The following WDR37 variants were observed in gnomAD, a reference collection of about 807,000 sequenced individuals.
WDR37 encodes WD repeat-containing protein 37.
Under a neutral mutation model 62.9 loss-of-function variants are expected in WDR37, and 19 were observed. The observed-to-expected ratio is 0.30, with a 90% CI of 0.21 to 0.44. The LOEUF (loss-of-function observed/expected upper bound fraction) is 0.44, where lower values mean the gene tolerates loss of function less well. Ranked by LOEUF, WDR37 falls within the 20% of genes least tolerant of loss-of-function variation. The pLI, the probability that WDR37 is intolerant of heterozygous loss-of-function variation, is 1.00. For synonymous variants in WDR37, 250 were observed against 260.9 expected, an observed-to-expected ratio of 0.96 and a Z score of 0.40; for missense variants, 474 against 657.6, an observed-to-expected ratio of 0.72 and a Z score of 3.05.
intron 1 of WDR37, among the ~76,000 whole-genome samples, chr10:1,065,038 A>G (rs1833494540): frequency 6.6e-6 from 1 of 152,170 alleles, no homozygotes; most frequent in South Asian, 2.1e-4. Context: ...CAGCTGACCT[A>G]CTCTATGAAA....
rs1466041154 is a variant in WDR37 at position 1,108,749 on chromosome 10, C to CCCT, written c.1103+3484_1103+3485insTCC. On this transcript the variant is annotated intron_variant, in intron 11 of 13. Transcript: ENST00000263150. The stretch of plus-strand genomic sequence containing the variant: ...TTTGGCTTCTGTGATGCCCCCCCCC[C>CCCT]CCGTGGAACCTGCAGGGCCCTGAGT... Among the ~76,000 whole-genome samples the CCCT allele has an allele frequency of 1.6e-5, 2 of 128,042 alleles. 1 individual carries two copies. The highest frequency in any genetic ancestry group is 3.5e-5 in the Non-Finnish European group (2 of 57,872). The allele number at this position is 128,042 out of a possible 152,430, so 84.0% of individuals were successfully genotyped here.
At chr10:1,080,587 G>A in intron 5 of WDR37, 111 bp downstream of exon 5, 1 of 1,293,654 alleles carries the variant, frequency 7.7e-7, no homozygotes, top group East Asian at 2.5e-5. Flanking sequence ...AAGATAAATG[G>A]TTTTAAGGGA....
chr10:1,102,121 T>C (rs573628087), intron 9 of WDR37, among the ~76,000 whole-genome samples: 98 of 148,906 alleles, frequency 6.6e-4, no homozygotes, highest in African/African-American at 2.5e-3. Flanking sequence ...CCCGTGCTGC[T>C]GTGCGTCCCT....
rs1453663547 is a variant in WDR37 at position 1,121,626 on chromosome 10, TC to T, written c.1104-2586del. Among the ~76,000 whole-genome samples, 3 of 152,116 alleles carry T rather than the reference TC, an allele frequency of 2.0e-5. No individual in the cohort carries two copies. Among genetic ancestry groups the T allele is most frequent in the African/African-American group, 7.2e-5 (3 of 41,418 alleles). ...TGCCGTGGTTTCCAGTTGGGCAGTTTCCCCCCAGGAGACAGTGTTTGTTGTC... is the reference window on the plus strand; with the variant it reads ...TGCCGTGGTTTCCAGTTGGGCAGTTTCCCCCAGGAGACAGTGTTTGTTGTC... On this transcript the variant is annotated intron_variant, in intron 11 of 13. Coordinates refer to ENST00000263150, the MANE Select transcript of WDR37 (RefSeq NM_014023.4). The surrounding 1 kb of genome is among the most constrained non-coding windows in gnomAD (Gnocchi z 4.5).
At chr10:1,070,862 C>T (rs1708149065) in intron 1 of WDR37, among the ~76,000 whole-genome samples, 1 of 152,110 alleles carries the variant, frequency 6.6e-6, no homozygotes, top group African/African-American at 2.4e-5. Context: ...CATTCTATAA[C>T]AAAGTAAGGA....
chr10:1,119,585 T>G (rs1462085792), intron 11 of WDR37, among the ~76,000 whole-genome samples: 1 of 152,150 alleles, frequency 6.6e-6, no homozygotes, highest in Non-Finnish European at 1.5e-5. Flanking sequence ...TGCAGAGGCT[T>G]CTTGTAGCTT....
At chr10:1,083,144 A>G (rs551600270) in intron 5 of WDR37, among the ~76,000 whole-genome samples, 1 of 152,352 alleles carries the variant, frequency 6.6e-6, no homozygotes, top group Admixed American at 6.5e-5. Flanking sequence ...TCTGAATGAC[A>G]CTTTCTGTAA....
chr10:1,124,783 G>A (rs1049901177), intron 12 of WDR37, 127 bp from the exon 13 acceptor site: 13 of 1,235,622 alleles, frequency 1.1e-5, no homozygotes, highest in Middle Eastern at 3.9e-4. Context: ...GGTGGTACAC[G>A]CAGTGTGTTC....
intron 7 of WDR37, 74 bp from the exon 8 acceptor site, chr10:1,093,378 C>A: frequency 1.7e-6 from 2 of 1,185,034 alleles, no homozygotes; most frequent in Non-Finnish European, 2.5e-6. Flanking sequence ...TTGAAATACA[C>A]GCTATAGCTA....
rs549591099 is a variant in WDR37 at position 1,091,673 on chromosome 10, C to T, written c.605-1779C>T. 2.0e-5 allele frequency among the ~76,000 whole-genome samples: 3 copies of T among 152,276 alleles called. No homozygotes were observed. The South Asian group carries it at 6.2e-4, about 32-fold the overall frequency. On this transcript the variant is annotated intron_variant, in intron 7 of 13. Coordinates refer to ENST00000263150, the MANE Select transcript of WDR37 (RefSeq NM_014023.4). ...CTGGTGCTGACTGATGGTAGCTCAC[C>T]CCATCCCAATTCCTGTCGTTTGCTT... is the stretch of plus-strand genomic sequence containing the variant.
chr10:1,108,783 C>T (rs1835111994), intron 11 of WDR37, among the ~76,000 whole-genome samples: 2 of 150,538 alleles, frequency 1.3e-5, no homozygotes, highest in South Asian at 2.1e-4. Flanking sequence ...GTGCCACCAT[C>T]CTGGCACAGC....
At chr10:1,060,414 A>T (rs999749555) in intron 1 of WDR37, among the ~76,000 whole-genome samples, 3 of 152,234 alleles carry the variant, frequency 2.0e-5, no homozygotes, top group African/African-American at 7.2e-5. Flanking sequence ...GGATAAAGAG[A>T]TTGAATTTTT....
intron 2 of WDR37, among the ~76,000 whole-genome samples, chr10:1,073,347 A>G (rs572478229): frequency 4.6e-5 from 7 of 152,352 alleles, no homozygotes; most frequent in African/African-American, 7.2e-5. Context: ...TGTTAGGACC[A>G]TGTGGGTAAC....
intron 3 of WDR37, 28 bp downstream of exon 3, chr10:1,078,031 T>G: frequency 1.3e-6 from 2 of 1,528,162 alleles, no homozygotes; most frequent in South Asian, 2.3e-5. Flanking sequence ...TAATATACTT[T>G]TATAGCTTTA....
intron 1 of WDR37, among the ~76,000 whole-genome samples, chr10:1,060,511 T>C (rs1833343333): frequency 6.6e-6 from 1 of 152,112 alleles, no homozygotes. Context: ...CTTTGTAATA[T>C]GGTAATCTGT....
chr10:1,110,220 C>T lies in WDR37; in HGVS notation c.1103+4953C>T, dbSNP rs374512715. 8.9e-4 allele frequency among the ~76,000 whole-genome samples: 135 copies of T among 152,296 alleles called. 2 individuals carry two copies. The South Asian group carries it at 0.027, about 31-fold the overall frequency. ...ATTGAGCTTCCCCTCACCGGCCTGG[C>T]GGTTTCTCAGCTGTGCGCATGCAGG... On this transcript the variant is annotated intron_variant, in intron 11 of 13. Transcript: ENST00000263150.
At chr10:1,126,207 C>T (rs993500833) in intron 13 of WDR37, among the ~76,000 whole-genome samples, 1 of 152,216 alleles carries the variant, frequency 6.6e-6, no homozygotes, top group Admixed American at 6.5e-5. Context: ...AGATCGAGAC[C>T]ATCCTGACTA....
At position 1,124,360 on chromosome 10, in the gene WDR37, C is replaced by A; in HGVS notation, c.1238+8C>A. On this transcript the variant is annotated splice_region_variant and intron_variant, in intron 12 of 13. Coordinates refer to ENST00000263150, the MANE Select transcript of WDR37 (RefSeq NM_014023.4). ...GGACTCTGCCATTAACAGGTAAAGT[C>A]AAACTGTTGGTTAAGTAAGTGGCTT... 6.2e-7 allele frequency: 1 copy of A among 1,614,080 alleles called. No homozygotes were observed. Among genetic ancestry groups the A allele is most frequent in the Non-Finnish European group, 8.5e-7 (1 of 1,180,026 alleles).
intron 5 of WDR37, among the ~76,000 whole-genome samples, chr10:1,082,832 A>T (rs183024933): frequency 1.9e-3 from 292 of 150,466 alleles, no homozygotes; most frequent in Middle Eastern, 6.8e-3. Flanking sequence ...GGAAGGAGCC[A>T]CTCTGTTCTT....
Sources: allele counts gnomAD v4.1 joint callset (sites outside exome capture counted in the v4.1 genomes callset), GRCh38; gene constraint gnomAD v4.1.1; non-coding constraint Gnocchi (gnomAD v3.1); transcripts MANE v1.5; gene names NCBI Gene and HGNC (gene_info 2026-07-23, HGNC 2026-07-21).